Variants in MCTP2 observed in about 807,000 individuals in gnomAD.
MCTP2 encodes multiple C2 and transmembrane domain containing 2, also known as multiple C2 and transmembrane domain-containing protein 2.
In MCTP2, 132 loss-of-function variants were observed where a neutral mutation model predicts 111.6. That is an observed-to-expected ratio of 1.18 (90% CI 1.03 to 1.37). The LOEUF is 1.37. MCTP2 is among the 40% of genes most tolerant of loss of function. The pLI is 0.00. For missense variants in MCTP2, 1,183 were observed against 1,067.9 expected (o/e 1.11, Z -1.50); for synonymous variants, 395 against 387.7 (o/e 1.02, Z -0.22).
chr15:94,460,881 G>A lies in MCTP2; in HGVS notation c.2360+2635G>A, dbSNP rs1386255090. Reference sequence around the variant, plus strand: ...TAAAGTCCCTGCTGGGCATTCAAGTGGGATGTCGTGTGTAATTCTGTTGGA... The same window carrying A: ...TAAAGTCCCTGCTGGGCATTCAAGTAGGATGTCGTGTGTAATTCTGTTGGA... On this transcript the variant is annotated intron_variant, in intron 20 of 22. Transcript: ENST00000357742. Among the ~76,000 whole-genome samples the A allele has an allele frequency of 2.6e-5, 4 of 152,194 alleles. No individual in the cohort carries two copies. In the East Asian group the frequency reaches 5.8e-4, roughly 22 times the overall value.
At chr15:94,332,603 G>C (rs145828792) in intron 4 of MCTP2, among the ~76,000 whole-genome samples, 2 of 152,102 alleles carry the variant, frequency 1.3e-5, no homozygotes, top group Non-Finnish European at 2.9e-5. Flanking sequence ...TCAGATATTC[G>C]AAAATGTGAA....
At position 94,264,014 on chromosome 15, in the gene MCTP2, C is replaced by G. The variant is rs951861545; in HGVS notation, c.-66+32350C>G. On this transcript the variant is annotated intron_variant, in intron 1 of 22. Coordinates refer to ENST00000357742, the MANE Select transcript of MCTP2 (RefSeq NM_001385001.1). The stretch of plus-strand genomic sequence containing the variant: ...TACCTGGAAGGCCTAGTTTCTCTCT[C>G]TGGCACTCCTCTTACTTGGTGCTGA... Among the ~76,000 whole-genome samples the G allele has an allele frequency of 7.2e-5, 11 of 152,192 alleles. No homozygotes were observed. In the South Asian group the frequency reaches 2.1e-3, roughly 29 times the overall value.
intron 17 of MCTP2, among the ~76,000 whole-genome samples, chr15:94,437,945 T>TA (rs200368044): frequency 9.8e-4 from 145 of 147,724 alleles, no homozygotes; most frequent in Non-Finnish European, 1.6e-3. Context: ...TTGCCTGAGT[T>TA]AAAAAAAAAA....
chr15:94,261,551 C>T (rs1251577548), intron 1 of MCTP2, among the ~76,000 whole-genome samples: 3 of 152,160 alleles, frequency 2.0e-5, no homozygotes, highest in Admixed American at 2.0e-4. Flanking sequence ...ACGTCTGTAA[C>T]ATGTGACTGA....
chr15:94,367,637 A>C lies in MCTP2; in HGVS notation c.1334A>C (p.Lys445Thr). Residue 445 changes from lysine (K) to threonine (T), a missense_variant, in exon 11 of 23, where the codon AAG becomes ACG. Lys to Thr is a moderately conservative substitution (Grantham distance 78). Transcript: ENST00000357742. ...CKVDISALPL[K>T]QANCLELPLD... The stretch of plus-strand genomic sequence containing the variant: ...GTGGATATCTCGGCACTCCCTCTGA[A>C]GCAAGCCAACTGCCTGGAGCTGCCA... The C allele has an allele frequency of 9.9e-6, 16 of 1,610,802 alleles. No individual in the cohort carries two copies. The highest frequency in any genetic ancestry group is 1.4e-5 in the Non-Finnish European group (16 of 1,178,476).
intron 7 of MCTP2, chr15:94,341,879 G>A (rs1052742111): frequency 1.3e-5 from 2 of 152,136 alleles, no homozygotes; most frequent in African/African-American, 2.4e-5. Flanking sequence ...ATGTTAAAAT[G>A]TCTTAAATTA....
chr15:94,245,249 TATG>T lies in MCTP2; in HGVS notation c.-66+13586_-66+13588del, dbSNP rs372683534. ...ATACATATGTATGTATATATACACA[TATG>T]TATATATACATATGTGTATATACGT... On this transcript the variant is annotated intron_variant, in intron 1 of 22. Transcript: ENST00000357742. Among the ~76,000 whole-genome samples, 991 of 142,784 alleles carry T rather than the reference TATG, an allele frequency of 6.9e-3. 7 individuals are homozygous for T. The highest frequency in any genetic ancestry group is 0.011 in the Middle Eastern group (1 of 94). 93.7% of individuals were successfully genotyped at this position (142,784 alleles called of 152,430 possible).
intron 4 of MCTP2, among the ~76,000 whole-genome samples, chr15:94,323,409 C>T (rs1484740411): frequency 6.6e-6 from 1 of 152,094 alleles, no homozygotes; most frequent in Non-Finnish European, 1.5e-5. Flanking sequence ...GCTTAATACC[C>T]ATGAATAATC....
intron 10 of MCTP2, among the ~76,000 whole-genome samples, chr15:94,359,321 A>C (rs1043745629): frequency 2.1e-4 from 32 of 152,202 alleles, no homozygotes; most frequent in African/African-American, 7.2e-4. Context: ...AAGTTTACAC[A>C]TTACTTAGTC....
At chr15:94,304,533 A>G (rs543168888) in intron 2 of MCTP2, among the ~76,000 whole-genome samples, 7 of 152,356 alleles carry the variant, frequency 4.6e-5, no homozygotes, top group African/African-American at 1.7e-4. Context: ...AAGTCAAATC[A>G]TAATCAATGT....
At position 94,381,799 on chromosome 15, in the gene MCTP2, C is replaced by T. The variant is rs557468212; in HGVS notation, c.1583-2223C>T. ...TTGCTGAAGAGGAAATGGTGTTGTT[C>T]TATGTTGGTAGGCTTTTCCCCAGCT... On this transcript the variant is annotated intron_variant, in intron 12 of 22. Transcript: ENST00000357742. Among the ~76,000 whole-genome samples, 8 of 152,298 alleles carry T rather than the reference C, an allele frequency of 5.3e-5. No individual in the cohort carries two copies. In the South Asian group the frequency reaches 1.5e-3, roughly 28 times the overall value.
chr15:94,390,107 T>TAC, intron 14 of MCTP2, among the ~76,000 whole-genome samples: 1 of 33,982 alleles, frequency 2.9e-5, no homozygotes, highest in Non-Finnish European at 9.4e-5. Flanking sequence ...TATATATATA[T>TAC]ATATATGTAT....
At chr15:94,266,664 A>G (rs928167639) in intron 1 of MCTP2, among the ~76,000 whole-genome samples, 2 of 152,200 alleles carry the variant, frequency 1.3e-5, no homozygotes, top group Admixed American at 1.3e-4. Flanking sequence ...AAGGAAACGA[A>G]GGGTATCAGA....
chr15:94,308,382 A>G (rs1385044155), intron 2 of MCTP2, among the ~76,000 whole-genome samples: 1 of 152,130 alleles, frequency 6.6e-6, no homozygotes, highest in African/African-American at 2.4e-5. Flanking sequence ...GGTGTGGTAC[A>G]GTGAAAAGAG....
chr15:94,310,651 A>T (rs2076082412), intron 2 of MCTP2, among the ~76,000 whole-genome samples: 1 of 151,868 alleles, frequency 6.6e-6, no homozygotes, highest in Non-Finnish European at 1.5e-5. Flanking sequence ...TATAAAAATA[A>T]ATTTTGTAAG....
At chr15:94,384,413 T>C (rs1180790029) in intron 13 of MCTP2, among the ~76,000 whole-genome samples, 1 of 152,164 alleles carries the variant, frequency 6.6e-6, no homozygotes, top group Admixed American at 6.5e-5. Context: ...AATTCATTCG[T>C]GGGTTAAGGA....
At chr15:94,366,766 C>T (rs1232588676) in intron 10 of MCTP2, among the ~76,000 whole-genome samples, 3 of 152,206 alleles carry the variant, frequency 2.0e-5, no homozygotes, top group African/African-American at 7.2e-5. Flanking sequence ...CCACCTACTT[C>T]ACCCACCTGC....
intron 1 of MCTP2, among the ~76,000 whole-genome samples, chr15:94,272,086 G>A (rs1452353581): frequency 6.6e-6 from 1 of 152,204 alleles, no homozygotes; most frequent in African/African-American, 2.4e-5. Flanking sequence ...AAGTTTAATG[G>A]TTGTGTTCTA....
intron 1 of MCTP2, among the ~76,000 whole-genome samples, chr15:94,277,759 A>T (rs900818477): frequency 1.3e-5 from 2 of 152,190 alleles, no homozygotes; most frequent in African/African-American, 4.8e-5. Context: ...AATACAGGAC[A>T]TTATATGTTT....
Sources: gnomAD v4.1 joint callset for allele counts (sites outside exome capture counted in the v4.1 genomes callset) on GRCh38, gnomAD v4.1.1 for gene constraint, MANE v1.5 for transcripts, NCBI Gene and HGNC (gene_info 2026-07-23, HGNC 2026-07-21) for gene names.